CARMIL1: variants seen among roughly 807,000 people sequenced by gnomAD.
CARMIL1 encodes capping protein regulator and myosin 1 linker 1.
In CARMIL1, 90 loss-of-function variants were observed where a neutral mutation model predicts 177.1. The observed-to-expected ratio is 0.51, with a 90% CI of 0.43 to 0.61. The LOEUF (loss-of-function observed/expected upper bound fraction) is 0.61. Ranked by LOEUF, CARMIL1 falls within the 20% of genes least tolerant of loss-of-function variation. The pLI, the probability that CARMIL1 is intolerant of heterozygous loss-of-function variation, is 0.00. For synonymous variants in CARMIL1, 577 were observed against 606.2 expected, an observed-to-expected ratio of 0.95 and a Z score of 0.71; for missense variants, 1,380 against 1,667.0, an observed-to-expected ratio of 0.83 and a Z score of 3.00.
rs577715155 is a variant in CARMIL1 at position 25,586,283 on chromosome 6, C to T, written c.3006+4844C>T. Among the ~76,000 whole-genome samples, 546 of 149,776 alleles carry T rather than the reference C, an allele frequency of 3.6e-3. 6 individuals are homozygous for T. The highest frequency in any genetic ancestry group is 0.012 in the African/African-American group (484 of 40,080). ...GCTCCTCACCTCCCAGACGGGGTGG[C>T]GGTTGGGCAGAGACACTCCTCAGTT... On this transcript the variant is annotated intron_variant, in intron 31 of 36. Transcript: ENST00000329474.
At chr6:25,525,729 T>C (rs1400163395) in intron 23 of CARMIL1, among the ~76,000 whole-genome samples, 1 of 152,188 alleles carries the variant, frequency 6.6e-6, no homozygotes, top group Non-Finnish European at 1.5e-5. Context: ...TGAATCAATA[T>C]AGCGTTATTT....
At chr6:25,301,706 C>T (rs1046322037) in intron 2 of CARMIL1, among the ~76,000 whole-genome samples, 27 of 152,312 alleles carry the variant, frequency 1.8e-4, no homozygotes, top group Non-Finnish European at 3.5e-4. Flanking sequence ...TGGGTAGCCT[C>T]TGCCTCTTTA....
intron 2 of CARMIL1, among the ~76,000 whole-genome samples, chr6:25,299,391 C>T (rs559786324): frequency 6.6e-6 from 1 of 151,336 alleles, no homozygotes; most frequent in Admixed American, 6.6e-5. Flanking sequence ...AGGCTGGTCT[C>T]AAAGTCCTGA....
intron 2 of CARMIL1, among the ~76,000 whole-genome samples, chr6:25,339,492 G>A (rs2690085): frequency 0.43 from 65,222 of 151,978 alleles, 14,213 homozygotes; most frequent in African/African-American, 0.51. Flanking sequence ...CCTATCATGG[G>A]GTCTGTCCAG....
chr6:25,535,617 C>T (rs1808218696), intron 24 of CARMIL1, among the ~76,000 whole-genome samples: 2 of 152,188 alleles, frequency 1.3e-5, no homozygotes, highest in South Asian at 4.1e-4. Flanking sequence ...CTAAACAGCC[C>T]TAACACAACC....
chr6:25,438,270 C>G (rs149028909), intron 5 of CARMIL1, among the ~76,000 whole-genome samples: 144 of 152,276 alleles, frequency 9.5e-4, no homozygotes, highest in African/African-American at 3.3e-3. Flanking sequence ...CTTATATATT[C>G]CATGACTATT....
chr6:25,523,895 C>T (rs1056327431), intron 23 of CARMIL1, among the ~76,000 whole-genome samples: 1 of 152,178 alleles, frequency 6.6e-6, no homozygotes, highest in Non-Finnish European at 1.5e-5. Flanking sequence ...AGACTTAGCA[C>T]AGACTAGCTT....
At chr6:25,334,759 T>C (rs1384218617) in intron 2 of CARMIL1, among the ~76,000 whole-genome samples, 2 of 152,232 alleles carry the variant, frequency 1.3e-5, no homozygotes, top group East Asian at 3.8e-4. Flanking sequence ...GGCAGTCTAC[T>C]AAGCACAGTG....
intron 11 of CARMIL1, among the ~76,000 whole-genome samples, chr6:25,475,396 G>A (rs1469183428): frequency 6.8e-6 from 1 of 145,996 alleles, no homozygotes; most frequent in Non-Finnish European, 1.5e-5. Flanking sequence ...GTGAGACTCC[G>A]TCTCAAAAAA....
chr6:25,402,072 T>C (rs1793934722), intron 2 of CARMIL1, among the ~76,000 whole-genome samples: 1 of 152,082 alleles, frequency 6.6e-6, no homozygotes, highest in Admixed American at 6.5e-5. Flanking sequence ...GCTATATATT[T>C]ACACTGTGAA....
chr6:25,570,110 G>A (rs768822359), intron 29 of CARMIL1, among the ~76,000 whole-genome samples: 8 of 151,954 alleles, frequency 5.3e-5, no homozygotes, highest in African/African-American at 1.2e-4. Flanking sequence ...GACTACAGGC[G>A]CCCGCCACCA....
chr6:25,309,224 G>T (rs1243429090), intron 2 of CARMIL1, among the ~76,000 whole-genome samples: 1 of 151,886 alleles, frequency 6.6e-6, no homozygotes. Flanking sequence ...ATGTAATTCA[G>T]GCTGGGTGTG....
intron 32 of CARMIL1, among the ~76,000 whole-genome samples, chr6:25,595,348 C>A (rs1206930533): frequency 3.3e-5 from 5 of 152,202 alleles, no homozygotes; most frequent in Non-Finnish European, 5.9e-5. Context: ...GGTAGGGAAG[C>A]AACTAATCAA....
At chr6:25,535,133 A>G (rs978708589) in intron 24 of CARMIL1, among the ~76,000 whole-genome samples, 3 of 152,206 alleles carry the variant, frequency 2.0e-5, no homozygotes, top group African/African-American at 7.2e-5. Context: ...ACAGTAAGGA[A>G]GACGATAGCT....
intron 2 of CARMIL1, among the ~76,000 whole-genome samples, chr6:25,368,564 A>G (rs905821702): frequency 9.2e-5 from 14 of 152,202 alleles, no homozygotes; most frequent in African/African-American, 3.4e-4. Flanking sequence ...CAAAACAGAC[A>G]TTACTCAGGA....
intron 3 of CARMIL1, among the ~76,000 whole-genome samples, chr6:25,424,388 T>C (rs1455057358): frequency 1.3e-5 from 2 of 152,154 alleles, no homozygotes; most frequent in African/African-American, 4.8e-5. Flanking sequence ...AGACGCATCT[T>C]AATTGACCTC....
intron 8 of CARMIL1, among the ~76,000 whole-genome samples, chr6:25,451,330 A>G (rs1231641695): frequency 6.6e-6 from 1 of 152,144 alleles, no homozygotes; most frequent in Non-Finnish European, 1.5e-5. Context: ...GTATTATTTT[A>G]CCTAATTGCC....
intron 26 of CARMIL1, among the ~76,000 whole-genome samples, chr6:25,541,426 G>A (rs1486900562): frequency 6.6e-6 from 1 of 152,126 alleles, no homozygotes; most frequent in Non-Finnish European, 1.5e-5. Flanking sequence ...TTGCATAGAT[G>A]TACCAGCATA....
At chr6:25,370,326 C>T (rs1019665014) in intron 2 of CARMIL1, among the ~76,000 whole-genome samples, 1 of 152,134 alleles carries the variant, frequency 6.6e-6, no homozygotes, top group Non-Finnish European at 1.5e-5. Flanking sequence ...TGGGGGTAGG[C>T]GGGGGAAGGT....
Sources: gnomAD v4.1 joint callset for allele counts (sites outside exome capture counted in the v4.1 genomes callset) on GRCh38, gnomAD v4.1.1 for gene constraint, MANE v1.5 for transcripts, NCBI Gene and HGNC (gene_info 2026-07-23, HGNC 2026-07-21) for gene names.